Variants in NFAM1 observed in about 807,000 individuals in gnomAD.
NFAM1 encodes the protein NFAT activation molecule 1.
A neutral mutation model predicts 29.0 loss-of-function variants in NFAM1; 17 were observed. The observed-to-expected ratio is 0.59, with a 90% CI of 0.40 to 0.88. The LOEUF is 0.88. Among genes scored for constraint, NFAM1 ranks in the 40% least tolerant of loss-of-function variants. NFAM1 has a pLI of 0.00. For missense variants in NFAM1, 324 were observed against 344.6 expected (o/e 0.94, Z 0.47); for synonymous variants, 175 against 147.2 (o/e 1.19, Z -1.36).
At chr22:42,390,338 G>A (rs1299998319) in intron 4 of NFAM1, among the ~76,000 whole-genome samples, 1 of 152,126 alleles carries the variant, frequency 6.6e-6, no homozygotes, top group Non-Finnish European at 1.5e-5. Flanking sequence ...ACTGTGTGCT[G>A]GGTGCCAGGA....
intron 1 of NFAM1, among the ~76,000 whole-genome samples, chr22:42,412,092 T>C (rs1197554824): frequency 6.6e-6 from 1 of 152,028 alleles, no homozygotes; most frequent in Non-Finnish European, 1.5e-5. Context: ...ATTAGCCAGG[T>C]GTGGTAGTGT....
chr22:42,427,575 A>C (rs1930663400), intron 1 of NFAM1, among the ~76,000 whole-genome samples: 1 of 152,200 alleles, frequency 6.6e-6, no homozygotes, highest in African/African-American at 2.4e-5. Context: ...TATAAAAACC[A>C]TTCATAACTC....
At chr22:42,436,026 G>A (rs1930932644), upstream of NFAM1, among the ~76,000 whole-genome samples, 2 of 152,080 alleles carry the variant, frequency 1.3e-5, no homozygotes, top group East Asian at 1.9e-4. Flanking sequence ...TACCATGTTG[G>A]CCAGGCTGGT....
chr22:42,387,558 C>G (rs966434508), intron 4 of NFAM1, among the ~76,000 whole-genome samples: 3 of 144,472 alleles, frequency 2.1e-5, no homozygotes, highest in African/African-American at 5.1e-5. Context: ...CCACCCATAC[C>G]CTCTAGCTCT....
chr22:42,380,629 G>C lies in NFAM1; in HGVS notation c.*4532C>G, dbSNP rs370894789. On this transcript the variant is annotated 3_prime_UTR_variant, in exon 6 of 6. Transcript: ENST00000329021. ...CAAATGACATCCCCTGGCATTGCAA[G>C]GAATGGAGTGACGCCACTCAGCCTG... is the stretch of plus-strand genomic sequence containing the variant. 4.6e-5 allele frequency: 7 copies of C among 152,804 alleles called. No homozygotes were observed. The South Asian group carries it at 8.3e-4, about 18-fold the overall frequency. The allele number at this position is 152,804 out of a possible 1,614,324, so 9.5% of individuals were successfully genotyped here.
chr22:42,428,411 G>C (rs1601764371), intron 1 of NFAM1, among the ~76,000 whole-genome samples: 1 of 152,310 alleles, frequency 6.6e-6, no homozygotes, highest in East Asian at 1.9e-4. Flanking sequence ...TCTCAGCCGG[G>C]AGCAGGCAGG....
intron 5 of NFAM1, 56 bp downstream of exon 5, chr22:42,386,933 G>T: frequency 2.1e-6 from 2 of 954,732 alleles, no homozygotes. Context: ...CTTCACCAGT[G>T]ATGGGAGGGT....
intron 4 of NFAM1, among the ~76,000 whole-genome samples, chr22:42,391,760 C>A (rs1929349676): frequency 6.6e-6 from 1 of 151,756 alleles, no homozygotes; most frequent in African/African-American, 2.4e-5. Context: ...GCCTGGCCAA[C>A]ATGTTGAAAC....
intron 1 of NFAM1, among the ~76,000 whole-genome samples, chr22:42,426,924 T>A (rs956519122): frequency 1.3e-5 from 2 of 152,084 alleles, no homozygotes; most frequent in African/African-American, 4.8e-5. Flanking sequence ...CCTGAGGCCA[T>A]CATGGTACTG....
chr22:42,429,014 G>A (rs1930713244), intron 1 of NFAM1, among the ~76,000 whole-genome samples: 1 of 152,178 alleles, frequency 6.6e-6, no homozygotes, highest in Non-Finnish European at 1.5e-5. Context: ...GCTTTGCAGA[G>A]GGGTCAAGAA....
intron 1 of NFAM1, 54 bp downstream of exon 1, chr22:42,432,183 C>T (rs970725306): frequency 5.4e-6 from 8 of 1,483,492 alleles, no homozygotes; most frequent in South Asian, 2.4e-5. Context: ...GGATGAAAGC[C>T]GCTCTGATGT....
In NFAM1 at chr22:42,388,917, T is replaced by C. The variant is rs1013954621; in HGVS notation, c.664-1839A>G. On this transcript the variant is annotated intron_variant, in intron 4 of 5. Transcript: ENST00000329021. This position sits in a 1 kb window ranked among gnomAD's most constrained non-coding sequence, Gnocchi z 4.1. Reference sequence around the variant, plus strand: ...GGAATGGAGGGAAACTTCCAAGTCCTGCCCTGCCTTGTGCGGCCTTCGTGC... The same window carrying C: ...GGAATGGAGGGAAACTTCCAAGTCCCGCCCTGCCTTGTGCGGCCTTCGTGC... Among the ~76,000 whole-genome samples the C allele has an allele frequency of 6.6e-6, 1 of 152,188 alleles. No individual in the cohort carries two copies. Among genetic ancestry groups the C allele is most frequent in the Non-Finnish European group, 1.5e-5 (1 of 68,024 alleles).
intron 1 of NFAM1, among the ~76,000 whole-genome samples, chr22:42,427,268 C>T (rs1191019002): frequency 6.6e-6 from 1 of 152,166 alleles, no homozygotes; most frequent in Non-Finnish European, 1.5e-5. Context: ...CCCAGGATGC[C>T]TGTGTCCTCC....
rs781260348 is a variant in NFAM1, at chr22:42,419,669, G to A, written c.122-7933C>T. On this transcript the variant is annotated intron_variant, in intron 1 of 5. Coordinates refer to ENST00000329021, the MANE Select transcript of NFAM1 (RefSeq NM_145912.8). This position sits in a 1 kb window ranked among gnomAD's most constrained non-coding sequence, Gnocchi z 4.5. ...AGACGTCAGCCTGCCACACTCCGGC[G>A]CCTTCGCCCGTGCTGTTCCGGCTGT... Among the ~76,000 whole-genome samples the A allele has an allele frequency of 2.0e-5, 3 of 152,134 alleles. No individual in the cohort carries two copies. The highest frequency in any genetic ancestry group is 4.4e-5 in the Non-Finnish European group (3 of 68,000).
At chr22:42,416,172 C>A (rs1001453841) in intron 1 of NFAM1, among the ~76,000 whole-genome samples, 2 of 152,196 alleles carry the variant, frequency 1.3e-5, no homozygotes, top group Admixed American at 1.3e-4. Flanking sequence ...ATTGCAACCG[C>A]GTTCTGGAGC....
At chr22:42,414,475 C>T (rs933211831) in intron 1 of NFAM1, among the ~76,000 whole-genome samples, 5 of 151,450 alleles carry the variant, frequency 3.3e-5, no homozygotes, top group African/African-American at 7.3e-5. Context: ...GATGGTGGCG[C>T]GTGTCTGTAA....
intron 1 of NFAM1, among the ~76,000 whole-genome samples, chr22:42,425,462 C>T (rs1013678374): frequency 6.6e-6 from 1 of 152,176 alleles, no homozygotes; most frequent in African/African-American, 2.4e-5. Flanking sequence ...CAAGATCCCT[C>T]GCCCTCCAGG....
chr22:42,423,762 C>A (rs1295346904), intron 1 of NFAM1, among the ~76,000 whole-genome samples: 1 of 150,996 alleles, frequency 6.6e-6, no homozygotes. Flanking sequence ...ACCTTGTTGC[C>A]CAGGCTGGAG....
chr22:42,396,483 T>TTATA (rs56372586), intron 4 of NFAM1, among the ~76,000 whole-genome samples: 46 of 150,078 alleles, frequency 3.1e-4, no homozygotes, highest in African/African-American at 1.0e-3. Context: ...TTTTCTTCTT[T>TTATA]TATATATATA....
Sources: gnomAD v4.1 joint callset for allele counts (sites outside exome capture counted in the v4.1 genomes callset) on GRCh38, gnomAD v4.1.1 for gene constraint, Gnocchi (gnomAD v3.1) non-coding constraint, MANE v1.5 for transcripts, NCBI Gene and HGNC (gene_info 2026-07-23, HGNC 2026-07-21) for gene names.